MON2: variants seen among roughly 807,000 people sequenced by gnomAD.
MON2 encodes the protein MON2 regulator of endosome-to-Golgi trafficking, also known as protein MON2 homolog.
In MON2, 84 loss-of-function variants were observed where a neutral mutation model predicts 208.6. The ratio of observed to expected loss-of-function variants is 0.40; its 90% CI spans 0.34 to 0.48. The LOEUF (loss-of-function observed/expected upper bound fraction) is 0.48, where lower values mean the gene tolerates loss of function less well. Among genes scored for constraint, MON2 ranks in the 20% least tolerant of loss-of-function variants. The probability of loss-of-function intolerance (pLI) is 0.59; values close to 1 mark genes in which losing one functional copy is unlikely to be tolerated. For synonymous variants in MON2, 660 were observed against 694.0 expected (o/e 0.95, Z 0.77); for missense variants, 1,611 against 2,015.4 (o/e 0.80, Z 3.84).
chr12:62,470,659 T>C, intron 1 of MON2: 1 of 916,054 alleles, frequency 1.1e-6, no homozygotes, highest in Non-Finnish European at 1.4e-6. Flanking sequence ...TATGTTTATG[T>C]ATTTCATGAA....
intron 8 of MON2, among the ~76,000 whole-genome samples, chr12:62,511,314 A>G (rs918820017): frequency 1.5e-4 from 23 of 152,248 alleles, no homozygotes; most frequent in African/African-American, 4.8e-4. Context: ...ATCTTGAGAA[A>G]AAAGAACGAA....
intron 29 of MON2, among the ~76,000 whole-genome samples, chr12:62,569,532 TAGGAAGAGAGAG>T (rs1412903850): frequency 1.3e-5 from 2 of 152,210 alleles, no homozygotes; most frequent in Non-Finnish European, 2.9e-5. Flanking sequence ...ATATGTCCAA[TAGGAAGAGAGAG>T]AGGAAGAGAG....
At chr12:62,514,247 T>G (rs183971843) in intron 8 of MON2, among the ~76,000 whole-genome samples, 8 of 152,318 alleles carry the variant, frequency 5.3e-5, no homozygotes, top group Admixed American at 2.0e-4. Flanking sequence ...TTCTGAGCCC[T>G]CCAAACTGTT....
intron 26 of MON2, among the ~76,000 whole-genome samples, chr12:62,562,318 G>GA (rs1214691212): frequency 6.7e-6 from 1 of 148,378 alleles, no homozygotes; most frequent in African/African-American, 2.5e-5. Flanking sequence ...TTTTTTTTCA[G>GA]AAAAAAATGT....
intron 6 of MON2, 46 bp downstream of exon 6, chr12:62,500,926 G>A (rs780367108): frequency 1.3e-5 from 16 of 1,230,778 alleles, no homozygotes; most frequent in African/African-American, 3.1e-5. Context: ...ATATAGTTTT[G>A]TGTGAATTTT....
intron 8 of MON2, among the ~76,000 whole-genome samples, chr12:62,519,539 T>C (rs191947293): frequency 9.2e-5 from 14 of 152,318 alleles, no homozygotes; most frequent in Admixed American, 2.0e-4. Flanking sequence ...TATTACATGT[T>C]AACATAAATT....
chr12:62,489,212 GT>G (rs2069969363), intron 2 of MON2, among the ~76,000 whole-genome samples: 1 of 151,900 alleles, frequency 6.6e-6, no homozygotes, highest in Admixed American at 6.6e-5. Context: ...AAAGATGAAA[GT>G]TTATACCTTT....
chr12:62,551,784 CAT>C (rs1368543992), intron 23 of MON2, among the ~76,000 whole-genome samples: 1 of 152,126 alleles, frequency 6.6e-6, no homozygotes, highest in Non-Finnish European at 1.5e-5. Flanking sequence ...TTGTTTTCAA[CAT>C]ATATTTTAAG....
In MON2 at chr12:62,580,357, G is replaced by T. The variant is rs2136454215; in HGVS notation, c.4636G>T (p.Val1546Phe). Residue 1546 changes from valine (V) to phenylalanine (F), a missense_variant, in exon 32 of 35, where the codon GTT (valine) becomes TTT (phenylalanine). Transcript: ENST00000393630. ...TGCCAATTTTATTCCTAAGGAATTT[G>T]TTGGTCAAATAATGACAATGCTTAA... ...PYANFIPKEF[V>F]GQIMTMLNKG... 2 of 1,608,004 alleles carry T rather than the reference G, an allele frequency of 1.2e-6. No individual in the cohort carries two copies. The highest frequency in any genetic ancestry group is 2.2e-5 in the South Asian group (2 of 90,858).
At chr12:62,549,422 C>A (rs1359312769) in intron 22 of MON2, among the ~76,000 whole-genome samples, 1 of 149,014 alleles carries the variant, frequency 6.7e-6, no homozygotes, top group Non-Finnish European at 1.5e-5. Context: ...GAAATTGAGA[C>A]CAGCCAAGGC....
At chr12:62,500,081 C>G (rs2070748729) in intron 5 of MON2, among the ~76,000 whole-genome samples, 1 of 152,048 alleles carries the variant, frequency 6.6e-6, no homozygotes, top group Admixed American at 6.6e-5. Flanking sequence ...TTCCCAGTTT[C>G]AATGTTTTAT....
intron 31 of MON2, among the ~76,000 whole-genome samples, chr12:62,579,915 T>C (rs2074941095): frequency 6.6e-6 from 1 of 152,218 alleles, no homozygotes; most frequent in Admixed American, 6.5e-5. Flanking sequence ...TTACAGCTGA[T>C]AGTTTTTGGT....
intron 26 of MON2, 72 bp from the exon 27 acceptor site, chr12:62,565,165 A>T (rs2074334307): frequency 7.0e-7 from 1 of 1,432,426 alleles, no homozygotes; most frequent in Non-Finnish European, 9.6e-7. Flanking sequence ...GTGGTTAAAC[A>T]AATATATACA....
At chr12:62,512,413 G>T (rs1313866854) in intron 8 of MON2, among the ~76,000 whole-genome samples, 1 of 152,110 alleles carries the variant, frequency 6.6e-6, no homozygotes, top group Non-Finnish European at 1.5e-5. Flanking sequence ...AAAACAAAGG[G>T]GCTACAGGCC....
Position 62,567,819 on chromosome 12 carries a change from C to T in MON2, c.4323+1369C>T, listed in dbSNP as rs539661907. Among the ~76,000 whole-genome samples, 9 of 152,282 alleles carry T rather than the reference C, an allele frequency of 5.9e-5. No individual in the cohort carries two copies. The South Asian group carries it at 1.9e-3, about 32-fold the overall frequency. ...AGTATGTTAAGTGCTAGGTAAAGAC[C>T]ATAGTGGAGGCTTTGCATTCAGATA... On this transcript the variant is annotated intron_variant, in intron 29 of 34. Coordinates refer to ENST00000393630, the MANE Select transcript of MON2 (RefSeq NM_015026.3).
intron 28 of MON2, 72 bp downstream of exon 28, chr12:62,566,103 A>G: frequency 6.7e-7 from 1 of 1,485,858 alleles, no homozygotes; most frequent in Non-Finnish European, 9.3e-7. Context: ...GGTTCTTGGT[A>G]GAATGCTGTA....
intron 7 of MON2, among the ~76,000 whole-genome samples, chr12:62,502,881 C>T (rs2070914968): frequency 6.6e-6 from 1 of 152,112 alleles, no homozygotes; most frequent in Admixed American, 6.5e-5. Context: ...TCAAGTGCTA[C>T]AGTAATATAA....
intron 19 of MON2, among the ~76,000 whole-genome samples, chr12:62,539,088 GTATT>G (rs2073114096): frequency 6.6e-6 from 1 of 152,004 alleles, no homozygotes; most frequent in South Asian, 2.1e-4. Flanking sequence ...AGGAACAGTT[GTATT>G]TATTTATATG....
intron 25 of MON2, among the ~76,000 whole-genome samples, chr12:62,558,048 C>T (rs2136334182): frequency 7.4e-6 from 1 of 135,406 alleles, no homozygotes; most frequent in Middle Eastern, 4.9e-3. Flanking sequence ...GATCTTGGCT[C>T]ACCCCAACCT....
Sources: gnomAD v4.1 joint callset for allele counts (sites outside exome capture counted in the v4.1 genomes callset) on GRCh38, gnomAD v4.1.1 for gene constraint, MANE v1.5 for transcripts, NCBI Gene and HGNC (gene_info 2026-07-23, HGNC 2026-07-21) for gene names.